MECOM: variants seen among roughly 807,000 people sequenced by gnomAD.
The protein encoded by MECOM is MDS1 and EVI1 complex locus.
Under a neutral mutation model 116.3 loss-of-function variants are expected in MECOM, and 13 were observed. That is an observed-to-expected ratio of 0.11 (90% CI 0.07 to 0.18). The LOEUF (loss-of-function observed/expected upper bound fraction) is 0.18. Ranked by LOEUF, MECOM falls within the 10% of genes least tolerant of loss-of-function variation. The probability of loss-of-function intolerance (pLI) is 1.00; values close to 1 mark genes in which losing one functional copy is unlikely to be tolerated. For synonymous variants in MECOM, 528 were observed against 535.2 expected (o/e 0.99, Z 0.19); for missense variants, 1,299 against 1,509.0 (o/e 0.86, Z 2.31).
intron 1 of MECOM, among the ~76,000 whole-genome samples, chr3:169,545,267 G>T (rs2109259330): frequency 6.6e-6 from 1 of 152,206 alleles, no homozygotes; most frequent in South Asian, 2.1e-4. Context: ...TAGGCACTCT[G>T]CTACATGGCT....
At chr3:169,419,442 T>A (rs904659345) in intron 1 of MECOM, among the ~76,000 whole-genome samples, 30 of 152,066 alleles carry the variant, frequency 2.0e-4, no homozygotes, top group African/African-American at 6.8e-4. Context: ...GCCAAGACCA[T>A]CCTAAGCAAA....
chr3:169,299,018 A>T (rs1716179176), intron 2 of MECOM, among the ~76,000 whole-genome samples: 1 of 152,218 alleles, frequency 6.6e-6, no homozygotes, highest in Admixed American at 6.5e-5. Context: ...AGAGATCTTT[A>T]ATCTGAAATC....
In MECOM at chr3:169,131,546, T is replaced by C. The variant is rs1234338518; in HGVS notation, c.511-15A>G. 3.1e-6 allele frequency: 5 copies of C among 1,590,558 alleles called. No homozygotes were observed. Among genetic ancestry groups the C allele is most frequent in the Non-Finnish European group, 4.3e-6 (5 of 1,164,178 alleles). Reference sequence around the variant, plus strand: ...CTATAGAATATCTTTAAAGACAAAATAAAGGTGGATGGAATCAGGAAAGAG... The same window carrying C: ...CTATAGAATATCTTTAAAGACAAAACAAAGGTGGATGGAATCAGGAAAGAG... On this transcript the variant is annotated splice_polypyrimidine_tract_variant and intron_variant, in intron 3 of 16. Transcript: ENST00000651503.
chr3:169,545,420 G>A (rs1042972774), intron 1 of MECOM, among the ~76,000 whole-genome samples: 1 of 152,084 alleles, frequency 6.6e-6, no homozygotes, highest in Non-Finnish European at 1.5e-5. Flanking sequence ...AATGAACAAA[G>A]GTAAGAGGGA....
intron 1 of MECOM, among the ~76,000 whole-genome samples, chr3:169,470,609 TATTA>T (rs1216716525): frequency 6.6e-6 from 1 of 152,106 alleles, no homozygotes. Flanking sequence ...AAGTGATATG[TATTA>T]GACTGTTCTA....
chr3:169,129,728 G>T (rs112767993), intron 4 of MECOM, among the ~76,000 whole-genome samples: 18 of 152,146 alleles, frequency 1.2e-4, no homozygotes, highest in African/African-American at 3.6e-4. Flanking sequence ...GCCACATCAT[G>T]CATGGAAAAA....
chr3:169,638,394 C>T (rs1235260935), intron 1 of MECOM, among the ~76,000 whole-genome samples: 1 of 152,076 alleles, frequency 6.6e-6, no homozygotes, highest in Non-Finnish European at 1.5e-5. Flanking sequence ...CAGCAGTCCT[C>T]CTACACATGA....
intron 2 of MECOM, among the ~76,000 whole-genome samples, chr3:169,301,447 T>C (rs982735954): frequency 1.3e-5 from 2 of 152,234 alleles, no homozygotes; most frequent in East Asian, 1.9e-4. Flanking sequence ...GCAGTGTTGA[T>C]AGCCTATGGC....
intron 2 of MECOM, chr3:169,144,863 A>G (rs895772942): frequency 2.9e-6 from 2 of 684,880 alleles, no homozygotes; most frequent in East Asian, 2.7e-5. Flanking sequence ...ATTGAATTAA[A>G]TAACTCCTAC....
At chr3:169,346,341 A>G (rs1182591556) in intron 2 of MECOM, among the ~76,000 whole-genome samples, 1 of 152,088 alleles carries the variant, frequency 6.6e-6, no homozygotes, top group Non-Finnish European at 1.5e-5. Flanking sequence ...TTTCTTTGTA[A>G]AATTAAATGA....
rs528805324 is a variant in MECOM at position 169,517,986 on chromosome 3, G to A, written c.38-136462C>T. 9.2e-5 allele frequency among the ~76,000 whole-genome samples: 14 copies of A among 152,316 alleles called. No homozygotes were observed. In the South Asian group the frequency reaches 2.9e-3, roughly 32 times the overall value. On this transcript the variant is annotated intron_variant, in intron 1 of 16. Transcript: ENST00000651503. ...AAGAAAACAGTTGACAGGGCCGGGC[G>A]CTATGGCTCACGCCTGTAATCCCAG...
At chr3:169,134,741 A>G (rs1423357478) in intron 3 of MECOM, among the ~76,000 whole-genome samples, 1 of 152,168 alleles carries the variant, frequency 6.6e-6, no homozygotes, top group Non-Finnish European at 1.5e-5. Context: ...GTATAATTTG[A>G]ATCCTTGAAT....
At chr3:169,573,238 A>G (rs868012748) in intron 1 of MECOM, among the ~76,000 whole-genome samples, 6 of 152,342 alleles carry the variant, frequency 3.9e-5, no homozygotes, top group Middle Eastern at 3.4e-3. Flanking sequence ...CAAAAGGCGA[A>G]CGAATGAAAC....
intron 1 of MECOM, among the ~76,000 whole-genome samples, chr3:169,417,743 T>C (rs1220062446): frequency 6.6e-6 from 1 of 151,786 alleles, no homozygotes; most frequent in Non-Finnish European, 1.5e-5. Flanking sequence ...ATTAAGAAAA[T>C]GTGGCACATA....
chr3:169,612,103 G>T (rs1325430992), intron 1 of MECOM, among the ~76,000 whole-genome samples: 3 of 152,056 alleles, frequency 2.0e-5, no homozygotes, highest in Admixed American at 6.6e-5. Context: ...AATGTCCCCT[G>T]GGAATCAAAA....
intron 2 of MECOM, among the ~76,000 whole-genome samples, chr3:169,255,202 C>G (rs1034931800): frequency 1.9e-4 from 29 of 152,138 alleles, no homozygotes; most frequent in African/African-American, 6.3e-4. Context: ...TTGATATCCA[C>G]CAAGTATCCA....
In MECOM at chr3:169,274,790, C is replaced by G. The variant is rs149083266; in HGVS notation, c.375+106397G>C. 4.1e-3 allele frequency among the ~76,000 whole-genome samples: 618 copies of G among 152,298 alleles called. 5 individuals are homozygous for G. Among genetic ancestry groups the G allele is most frequent in the African/African-American group, 0.014 (589 of 41,560 alleles). On this transcript the variant is annotated intron_variant, in intron 2 of 16. Transcript: ENST00000651503. ...AATAGCTACATAGGACTAGCAACTACCACATTGAACAGTGCAGATTACAGA... is the reference window on the plus strand; with the variant it reads ...AATAGCTACATAGGACTAGCAACTAGCACATTGAACAGTGCAGATTACAGA...
intron 2 of MECOM, among the ~76,000 whole-genome samples, chr3:169,223,047 C>T (rs1214371901): frequency 2.6e-5 from 4 of 152,104 alleles, no homozygotes; most frequent in Non-Finnish European, 4.4e-5. Flanking sequence ...AGACTGGATA[C>T]AGTAATCGCT....
chr3:169,084,768 T>A lies in MECOM; in HGVS notation c.*141A>T. 2.5e-6 allele frequency: 2 copies of A among 807,642 alleles called. No homozygotes were observed. Among genetic ancestry groups the A allele is most frequent in the East Asian group, 5.4e-5 (2 of 37,204 alleles). 50.0% of individuals were successfully genotyped at this position (807,642 alleles called of 1,614,324 possible). A position where few individuals can be genotyped will look rare whatever the true frequency, so the allele number is the denominator to read the frequency against. On this transcript the variant is annotated 3_prime_UTR_variant, in exon 17 of 17. Coordinates refer to ENST00000651503, the MANE Select transcript of MECOM (RefSeq NM_004991.4). ...TTTCTTTCTTTTCTTTTTTAAATCA[T>A]TCAGTTTAAGGTCACTAGACTTTAG...
Sources: gnomAD v4.1 joint callset for allele counts (sites outside exome capture counted in the v4.1 genomes callset) on GRCh38, gnomAD v4.1.1 for gene constraint, MANE v1.5 for transcripts, NCBI Gene and HGNC (gene_info 2026-07-23, HGNC 2026-07-21) for gene names.